BCAS3: variants seen among roughly 807,000 people sequenced by gnomAD.
BCAS3 encodes BCAS3 microtubule associated cell migration factor.
In BCAS3, 53 loss-of-function variants were observed where a neutral mutation model predicts 116.1. That is an observed-to-expected ratio of 0.46 (90% CI 0.37 to 0.57). The LOEUF is 0.57. Among genes scored for constraint, BCAS3 ranks in the 20% least tolerant of loss-of-function variants. The pLI, the probability that BCAS3 is intolerant of heterozygous loss-of-function variation, is 0.00. For synonymous variants in BCAS3, 391 were observed against 408.2 expected, an observed-to-expected ratio of 0.96 and a Z score of 0.51; for missense variants, 917 against 1,165.4, an observed-to-expected ratio of 0.79 and a Z score of 3.10.
chr17:60,914,475 G>C (rs1233303561), intron 12 of BCAS3, among the ~76,000 whole-genome samples: 1 of 152,090 alleles, frequency 6.6e-6, no homozygotes, highest in African/African-American at 2.4e-5. Flanking sequence ...AGGGTGTAGG[G>C]TTATAATATA....
intron 6 of BCAS3, among the ~76,000 whole-genome samples, chr17:60,757,328 T>TGATA (rs2043091107): frequency 1.1e-4 from 2 of 19,018 alleles, no homozygotes; most frequent in African/African-American, 1.2e-4. Flanking sequence ...AAAATAATAA[T>TGATA]AATAAATAAA....
At chr17:60,843,794 C>CT (rs1264198707) in intron 7 of BCAS3, among the ~76,000 whole-genome samples, 1 of 152,184 alleles carries the variant, frequency 6.6e-6, no homozygotes, top group Non-Finnish European at 1.5e-5. Flanking sequence ...TTTCCCGACT[C>CT]TATGTTTTTC....
intron 7 of BCAS3, among the ~76,000 whole-genome samples, chr17:60,821,523 C>T (rs189731115): frequency 6.6e-6 from 1 of 152,288 alleles, no homozygotes; most frequent in Admixed American, 6.5e-5. Context: ...CCCCTCCCAG[C>T]TCTTTTCTTC....
rs1598447765 is a variant in BCAS3, at chr17:60,751,404, A to G, written c.403+4125A>G. Reference sequence around the variant, plus strand: ...AAGTAATAAATTTTTCTTATTCATTACTTTAAGTAGCCATTTTGGCTTTTA... The same window carrying G: ...AAGTAATAAATTTTTCTTATTCATTGCTTTAAGTAGCCATTTTGGCTTTTA... On this transcript the variant is annotated intron_variant, in intron 6 of 23. Transcript: ENST00000407086. 3.9e-5 allele frequency among the ~76,000 whole-genome samples: 6 copies of G among 152,334 alleles called. 1 individual carries two copies. Among genetic ancestry groups the G allele is most frequent in the Admixed American group, 3.9e-4 (6 of 15,292 alleles).
chr17:61,119,130 T>A (rs1462651305), intron 22 of BCAS3, among the ~76,000 whole-genome samples: 1 of 152,200 alleles, frequency 6.6e-6, no homozygotes, highest in Non-Finnish European at 1.5e-5. Context: ...TCCTACTTCA[T>A]AATAAATAGC....
At chr17:60,762,701 T>C (rs113038892) in intron 6 of BCAS3, among the ~76,000 whole-genome samples, 41,646 of 152,056 alleles carry the variant, frequency 0.27, 11,410 homozygotes, top group African/African-American at 0.71. Flanking sequence ...TGATTCCATA[T>C]GAACTTTAAA....
At chr17:61,375,246 G>GTGTGCGCGCGCGCGCGCACA (rs1555861733) in intron 23 of BCAS3, among the ~76,000 whole-genome samples, 3 of 150,666 alleles carry the variant, frequency 2.0e-5, no homozygotes, top group African/African-American at 7.5e-5. Context: ...GTGTGTGTGT[G>GTGTGCGCGCGCGCGCGCACA]TGTGTGTGTA....
intron 19 of BCAS3, among the ~76,000 whole-genome samples, chr17:61,045,377 G>A (rs2067952035): frequency 6.6e-6 from 1 of 151,602 alleles, no homozygotes. Context: ...TGAACATGGT[G>A]ATATGCACCT....
intron 5 of BCAS3, among the ~76,000 whole-genome samples, chr17:60,710,924 T>C (rs982644558): frequency 7.3e-5 from 11 of 151,498 alleles, no homozygotes; most frequent in Admixed American, 2.6e-4. Flanking sequence ...CACATCAGCC[T>C]CTGGAGTAGC....
intron 22 of BCAS3, among the ~76,000 whole-genome samples, chr17:61,312,903 G>A (rs1343396323): frequency 6.6e-6 from 1 of 152,144 alleles, no homozygotes; most frequent in Non-Finnish European, 1.5e-5. Context: ...AACTTAAGTG[G>A]GCATAACCGA....
chr17:60,763,200 CTGAT>C (rs1707916108), intron 6 of BCAS3, among the ~76,000 whole-genome samples: 1 of 152,130 alleles, frequency 6.6e-6, no homozygotes, highest in African/African-American at 2.4e-5. Flanking sequence ...TTTCTCTTGC[CTGAT>C]TGCCCTGGCC....
rs2051057426 is a variant in BCAS3 at position 61,279,537 on chromosome 17, G to A, written c.2426-88790G>A. On this transcript the variant is annotated intron_variant, in intron 22 of 23. Transcript: ENST00000407086. This position sits in a 1 kb window ranked among gnomAD's most constrained non-coding sequence, Gnocchi z 4.4. Reference sequence around the variant, plus strand: ...TTGTATTTTGCAAACTTTCCCTTGGGGCCTCAGCAGAGGATATTTTTAGAA... The same window carrying A: ...TTGTATTTTGCAAACTTTCCCTTGGAGCCTCAGCAGAGGATATTTTTAGAA... Among the ~76,000 whole-genome samples the A allele has an allele frequency of 6.6e-6, 1 of 152,072 alleles. No homozygotes were observed. Among genetic ancestry groups the A allele is most frequent in the Admixed American group, 6.5e-5 (1 of 15,272 alleles).
At chr17:60,730,633 C>G (rs1234696622) in intron 5 of BCAS3, among the ~76,000 whole-genome samples, 3 of 152,074 alleles carry the variant, frequency 2.0e-5, no homozygotes, top group Non-Finnish European at 4.4e-5. Flanking sequence ...AAGGACTGCT[C>G]TTTACTATTA....
chr17:60,725,845 CTTTT>C (rs1237358981), intron 5 of BCAS3, among the ~76,000 whole-genome samples: 2 of 150,912 alleles, frequency 1.3e-5, no homozygotes, highest in Admixed American at 6.6e-5. Context: ...GTTTTTTTTT[CTTTT>C]TGTTTTTTAA....
intron 9 of BCAS3, among the ~76,000 whole-genome samples, chr17:60,884,936 G>A (rs1261731586): frequency 9.3e-6 from 1 of 107,968 alleles, no homozygotes; most frequent in Non-Finnish European, 1.9e-5. Context: ...TTGGGGTGGA[G>A]AGTTCTGTAG....
At chr17:61,197,264 G>T (rs1023053482) in intron 22 of BCAS3, among the ~76,000 whole-genome samples, 1 of 152,134 alleles carries the variant, frequency 6.6e-6, no homozygotes, top group South Asian at 2.1e-4. Context: ...GAAAAGGGCC[G>T]CTTCTTCCTA....
At chr17:60,837,486 A>G (rs1423924654) in intron 7 of BCAS3, among the ~76,000 whole-genome samples, 2 of 152,230 alleles carry the variant, frequency 1.3e-5, no homozygotes, top group African/African-American at 4.8e-5. Flanking sequence ...CTTATGATCA[A>G]TAAAAGATAA....
chr17:60,709,561 T>G, intron 5 of BCAS3: 1 of 354,940 alleles, frequency 2.8e-6, no homozygotes. Context: ...AGGTAATTTT[T>G]GTACTTTTAG....
chr17:60,700,473 C>T (rs187570356), intron 4 of BCAS3, among the ~76,000 whole-genome samples: 40 of 152,286 alleles, frequency 2.6e-4, no homozygotes, highest in Non-Finnish European at 5.3e-4. Flanking sequence ...GTGGAGTTTG[C>T]ACTCCTGTGG....
Sources: gnomAD v4.1 joint callset for allele counts (sites outside exome capture counted in the v4.1 genomes callset) on GRCh38, gnomAD v4.1.1 for gene constraint, Gnocchi (gnomAD v3.1) non-coding constraint, MANE v1.5 for transcripts, NCBI Gene and HGNC (gene_info 2026-07-23, HGNC 2026-07-21) for gene names.